Variants in NT5DC3 observed in about 807,000 individuals in gnomAD.
The protein encoded by NT5DC3 is 5'-nucleotidase domain containing 3.
A neutral mutation model predicts 67.8 loss-of-function variants in NT5DC3; 42 were observed. The observed-to-expected ratio is 0.62, with a 90% CI of 0.48 to 0.80. NT5DC3 has a LOEUF of 0.80. NT5DC3 is among the 30% of genes least tolerant of loss of function. The pLI, the probability that NT5DC3 is intolerant of heterozygous loss-of-function variation, is 0.00. For missense variants in NT5DC3, 570 were observed against 696.4 expected, an observed-to-expected ratio of 0.82 and a Z score of 2.04; for synonymous variants, 237 against 255.6, an observed-to-expected ratio of 0.93 and a Z score of 0.69.
At chr12:103,834,352 C>T (rs1163852490) in intron 1 of NT5DC3, among the ~76,000 whole-genome samples, 1 of 152,132 alleles carries the variant, frequency 6.6e-6, no homozygotes, top group Non-Finnish European at 1.5e-5. Flanking sequence ...AAAAGGAAAA[C>T]ATTCCAATTG....
chr12:103,762,409 G>A, the NT5DC3 span: 1 of 1,614,202 alleles, frequency 6.2e-7, no homozygotes, highest in Non-Finnish European at 8.5e-7. Context: ...TGAGGTAAGA[G>A]AGAAAAATGG....
At chr12:103,768,087 C>CAA (rs34935949), downstream of NT5DC3, among the ~76,000 whole-genome samples, 6,387 of 86,972 alleles carry the variant, frequency 0.073, 362 homozygotes, top group East Asian at 0.34. Flanking sequence ...GACTCCTTCT[C>CAA]AAAAAAAAAA....
intron 1 of NT5DC3, among the ~76,000 whole-genome samples, chr12:103,821,118 G>C (rs997105934): frequency 6.6e-6 from 1 of 152,190 alleles, no homozygotes; most frequent in African/African-American, 2.4e-5. Context: ...ATATGATACA[G>C]GCACTACAAC....
At chr12:103,796,766 C>T (rs1025949212) in intron 6 of NT5DC3, 128 bp downstream of exon 6, 23 of 883,532 alleles carry the variant, frequency 2.6e-5, no homozygotes, top group Non-Finnish European at 3.9e-5. Context: ...GGTTAAACCA[C>T]ATATAAGAGT....
intron 9 of NT5DC3, among the ~76,000 whole-genome samples, chr12:103,791,700 G>A (rs547494706): frequency 1.1e-4 from 16 of 152,204 alleles, no homozygotes; most frequent in Non-Finnish European, 2.2e-4. Flanking sequence ...GAACCGGGCC[G>A]CACAGCAGGA....
chr12:103,768,322 C>T (rs1434489700), downstream of NT5DC3, among the ~76,000 whole-genome samples: 1 of 149,922 alleles, frequency 6.7e-6, no homozygotes, highest in Non-Finnish European at 1.5e-5. Context: ...GTAGTTCCAG[C>T]TACTCAGGAG....
chr12:103,782,434 C>A (rs74981851), intron 12 of NT5DC3, among the ~76,000 whole-genome samples: 17,021 of 152,210 alleles, frequency 0.11, 1,429 homozygotes, highest in East Asian at 0.45. Flanking sequence ...CAGTGTCCAC[C>A]AATAAAGTTT....
chr12:103,767,589 T>TAATA (rs1885039832), downstream of NT5DC3, among the ~76,000 whole-genome samples: 1 of 152,190 alleles, frequency 6.6e-6, no homozygotes, highest in Admixed American at 6.5e-5. Context: ...GATAACTAAA[T>TAATA]AATACATCAT....
the NT5DC3 span, chr12:103,758,349 T>C: frequency 3.9e-5 from 63 of 1,598,920 alleles, no homozygotes; most frequent in Non-Finnish European, 5.0e-5. Flanking sequence ...ACCACAACAA[T>C]GCTGTGTCAC....
At chr12:103,839,528 T>A (rs1888291479) in intron 1 of NT5DC3, among the ~76,000 whole-genome samples, 1 of 152,144 alleles carries the variant, frequency 6.6e-6, no homozygotes, top group African/African-American at 2.4e-5. Context: ...AGGCGTGAGC[T>A]CACACCTGGC....
At chr12:103,817,822 T>C (rs1887327985) in intron 1 of NT5DC3, among the ~76,000 whole-genome samples, 1 of 152,214 alleles carries the variant, frequency 6.6e-6, no homozygotes, top group African/African-American at 2.4e-5. Flanking sequence ...AGTCAATCCA[T>C]CATTTCTGAG....
chr12:103,750,440 A>C, the NT5DC3 span: 1 of 1,011,778 alleles, frequency 9.9e-7, no homozygotes, highest in Non-Finnish European at 1.5e-6. Context: ...CGTAGCAGTT[A>C]TTCCCACTGG....
At chr12:103,748,893 C>G in the NT5DC3 span, 1 of 1,526,422 alleles carries the variant, frequency 6.6e-7, no homozygotes, top group Non-Finnish European at 8.9e-7. Context: ...TGTGGTGCCC[C>G]ATACCCTGAC....
intron 13 of NT5DC3, 152 bp from the exon 14 acceptor site, chr12:103,778,233 TAAGAA>T: frequency 1.2e-6 from 1 of 838,032 alleles, no homozygotes. Flanking sequence ...AAATATTAAT[TAAGAA>T]AACAGCCTAG....
Position 103,813,587 on chromosome 12 carries a change from G to C in NT5DC3, c.393+1350C>G, listed in dbSNP as rs186465153. On this transcript the variant is annotated intron_variant, in intron 2 of 13. Coordinates refer to ENST00000392876, the MANE Select transcript of NT5DC3 (RefSeq NM_001031701.3). ...GGATCCAAAACTAAGGAGAACTTTG[G>C]CTGCATTAATAAAAGTACGGCATCC... is the stretch of plus-strand genomic sequence containing the variant. Among the ~76,000 whole-genome samples the C allele has an allele frequency of 1.3e-3, 191 of 152,294 alleles. 2 individuals carry two copies. The highest frequency in any genetic ancestry group is 4.5e-3 in the African/African-American group (186 of 41,554).
chr12:103,781,716 T>C (rs1482464884), intron 12 of NT5DC3, among the ~76,000 whole-genome samples: 1 of 152,198 alleles, frequency 6.6e-6, no homozygotes, highest in African/African-American at 2.4e-5. Flanking sequence ...AAATCCACTT[T>C]AAAATATTTC....
the NT5DC3 span, chr12:103,753,294 G>T: frequency 6.2e-7 from 1 of 1,614,214 alleles, no homozygotes; most frequent in Non-Finnish European, 8.5e-7. Context: ...AGCCAGAGAG[G>T]CCTGTGCCAA....
At position 103,841,007 on chromosome 12, in the gene NT5DC3, G is replaced by C; in HGVS notation, c.150C>G (p.Ala50=). 7.7e-7 allele frequency: 1 copy of C among 1,305,768 alleles called. No homozygotes were observed. Among genetic ancestry groups the C allele is most frequent in the Non-Finnish European group, 9.8e-7 (1 of 1,023,442 alleles). The allele number at this position is 1,305,768 out of a possible 1,614,324, so 80.9% of individuals were successfully genotyped here. A position where few individuals can be genotyped will look rare whatever the true frequency, so the allele number is the denominator to read the frequency against. ...ARPLCTAPGT[A]PDMKRYLWER... ...CCCACAGGTAGCGCTTCATGTCCGG[G>C]GCGGTCCCGGGTGCAGTGCACAAGG... Residue 50 remains alanine, a synonymous_variant, in exon 1 of 14, where the codon GCC becomes GCG. Transcript: ENST00000392876.
intron 13 of NT5DC3, among the ~76,000 whole-genome samples, 188 bp downstream of exon 13, chr12:103,780,112 A>T (rs1226850336): frequency 1.3e-5 from 2 of 152,198 alleles, no homozygotes; most frequent in African/African-American, 4.8e-5. Flanking sequence ...GGCTGGCCTC[A>T]AGGAAATTTG....
Sources: gnomAD v4.1 joint callset for allele counts (sites outside exome capture counted in the v4.1 genomes callset) on GRCh38, gnomAD v4.1.1 for gene constraint, MANE v1.5 for transcripts, NCBI Gene and HGNC (gene_info 2026-07-23, HGNC 2026-07-21) for gene names.